KNL1: variants seen among roughly 807,000 people sequenced by gnomAD.
KNL1 encodes the protein kinetochore scaffold 1.
Under a neutral mutation model 201.3 loss-of-function variants are expected in KNL1, and 66 were observed. That is an observed-to-expected ratio of 0.33 (90% CI 0.27 to 0.40). The LOEUF (loss-of-function observed/expected upper bound fraction) is 0.40, where lower values mean the gene tolerates loss of function less well. Ranked by LOEUF, KNL1 falls within the 10% of genes least tolerant of loss-of-function variation. KNL1 has a pLI of 1.00. For missense variants in KNL1, 2,815 were observed against 2,690.5 expected, an observed-to-expected ratio of 1.05 and a Z score of -1.02; for synonymous variants, 895 against 899.2, an observed-to-expected ratio of 1.00 and a Z score of 0.08.
chr15:40,660,002 C>T (rs1032656265), intron 25 of KNL1, among the ~76,000 whole-genome samples: 1 of 151,514 alleles, frequency 6.6e-6, no homozygotes, highest in African/African-American at 2.4e-5. Context: ...CCTCTGCCTC[C>T]TGGGTTCAAG....
chr15:40,652,211 G>C, intron 21 of KNL1, 106 bp downstream of exon 21: 2 of 580,654 alleles, frequency 3.4e-6, no homozygotes, highest in Non-Finnish European at 6.0e-6. Flanking sequence ...GGCATGATGA[G>C]AGCACTGCTG....
At chr15:40,631,446 T>C (rs752371609) in intron 13 of KNL1, among the ~76,000 whole-genome samples, 7 of 152,146 alleles carry the variant, frequency 4.6e-5, no homozygotes, top group Non-Finnish European at 7.3e-5. Flanking sequence ...ATATCTTTGT[T>C]GTCGTGGAGT....
At chr15:40,658,117 T>C (rs1469388463) in intron 24 of KNL1, among the ~76,000 whole-genome samples, 2 of 150,162 alleles carry the variant, frequency 1.3e-5, no homozygotes, top group Non-Finnish European at 3.0e-5. Flanking sequence ...AATACAAAAA[T>C]TAGACAGGCA....
intron 17 of KNL1, chr15:40,650,027 G>T (rs934405129): frequency 3.8e-6 from 1 of 261,874 alleles, no homozygotes; most frequent in Non-Finnish European, 7.2e-6. Flanking sequence ...CAGAGTAAGT[G>T]CCTAGTACAT....
intron 11 of KNL1, 113 bp from the exon 12 acceptor site, chr15:40,628,498 C>T (rs1892813969): frequency 1.3e-6 from 1 of 776,596 alleles, no homozygotes; most frequent in African/African-American, 1.7e-5. Flanking sequence ...ACTGTCTTCC[C>T]AGAAAGATCC....
Position 40,623,433 on chromosome 15 carries a change from C to G in KNL1, c.3169C>G (p.Pro1057Ala), listed in dbSNP as rs944527010. ...DVQSPGFLNE[P>A]LSSKSQRRKS... ...ACAAAGTCCTGGATTTCTGAATGAA[C>G]CTCTATCAAGCAAAAGTCAGAGAAG... The change falls in exon 10 of 26, where the codon CCT becomes GCT. Residue 1057 changes from proline to alanine, a missense_variant. Physicochemically the swap from Pro to Ala is conservative, Grantham distance 27. This residue lies in a region of KNL1 where 2,464 missense variants were observed against 2,291.7 expected (regional missense o/e 1.08). Coordinates refer to ENST00000399668, the MANE Select transcript of KNL1 (RefSeq NM_144508.5). 2 of 1,612,840 alleles carry G rather than the reference C, an allele frequency of 1.2e-6. No individual in the cohort carries two copies. The highest frequency in any genetic ancestry group is 1.3e-5 in the African/African-American group (1 of 74,732).
At chr15:40,615,402 C>A in intron 8 of KNL1, 24 bp downstream of exon 8, 1 of 646,158 alleles carries the variant, frequency 1.5e-6, no homozygotes, top group South Asian at 1.7e-5. Context: ...GAATACTTTT[C>A]TTATAGTAAG....
intron 6 of KNL1, chr15:40,610,879 A>G (rs1892133259): frequency 2.2e-6 from 1 of 453,666 alleles, no homozygotes; most frequent in African/African-American, 2.0e-5. Context: ...CCTCCCAGGT[A>G]GCCGGGATTA....
At position 40,662,270 on chromosome 15, in the gene KNL1, T is replaced by A; in HGVS notation, c.*82T>A. 1.3e-6 allele frequency: 1 copy of A among 770,322 alleles called. No homozygotes were observed. The highest frequency in any genetic ancestry group is 2.3e-6 in the Non-Finnish European group (1 of 441,378). 47.7% of individuals were successfully genotyped at this position (770,322 alleles called of 1,614,324 possible). A position where few individuals can be genotyped will look rare whatever the true frequency, so the allele number is the denominator to read the frequency against. On this transcript the variant is annotated 3_prime_UTR_variant, in exon 26 of 26. Coordinates refer to ENST00000399668, the MANE Select transcript of KNL1 (RefSeq NM_144508.5). ...TCCCATTGCTGTTCAGCCTTTGTTT[T>A]TACGTCATTACAAGCTGAGTAAAAT...
chr15:40,627,323 G>C (rs558991560), intron 10 of KNL1, among the ~76,000 whole-genome samples: 1 of 152,172 alleles, frequency 6.6e-6, no homozygotes, highest in Non-Finnish European at 1.5e-5. Context: ...GACCATCCTG[G>C]CTAACACGGT....
chr15:40,621,244 T>C lies in KNL1; in HGVS notation c.980T>C (p.Leu327Ser). The change falls in exon 10 of 26, where the codon TTG becomes TCG. Residue 327 changes from leucine to serine, a missense_variant. Leu to Ser is a moderately radical substitution (Grantham distance 145, BLOSUM62 -2). Around this residue, in one of 3 missense-constraint regions of KNL1, gnomAD observed 2,464 missense variants for 2,291.7 expected, o/e 1.08. Transcript: ENST00000399668. Reference sequence around the variant, plus strand: ...ATGGACTTGACATTTAACCACACTTTGCAGATCTTACCTGCAACAGGTAAT... The same window carrying C: ...ATGGACTTGACATTTAACCACACTTCGCAGATCTTACCTGCAACAGGTAAT... ...DFMDLTFNHT[L>S]QILPATGNFS... The C allele has an allele frequency of 6.2e-7, 1 of 1,613,750 alleles. No individual in the cohort carries two copies. The highest frequency in any genetic ancestry group is 1.1e-5 in the South Asian group (1 of 91,030).
chr15:40,637,266 TAG>T (rs967178969), intron 13 of KNL1, among the ~76,000 whole-genome samples: 1 of 151,662 alleles, frequency 6.6e-6, no homozygotes, highest in Non-Finnish European at 1.5e-5. Context: ...GGTTTTTCTG[TAG>T]AGTTTACCAC....
In KNL1 at chr15:40,622,464, G is replaced by C. The variant is rs1892572752; in HGVS notation, c.2200G>C (p.Glu734Gln). The change falls in exon 10 of 26, where the codon GAG becomes CAG. Residue 734 changes from glutamate to glutamine, a missense_variant. Coordinates refer to ENST00000399668, the MANE Select transcript of KNL1 (RefSeq NM_144508.5). ...ACTAGGCCAGAATTCTAAACTGGCT[G>C]AGCCACTGAGGAAAAGTTTAAGCAA... ...SVLGQNSKLA[E>Q]PLRKSLSNPT... is the part of the protein sequence containing the mutation. 1 of 1,613,968 alleles carries C rather than the reference G, an allele frequency of 6.2e-7. No individual in the cohort carries two copies. The highest frequency in any genetic ancestry group is 8.5e-7 in the Non-Finnish European group (1 of 1,179,914).
intron 21 of KNL1, 68 bp from the exon 22 acceptor site, chr15:40,654,841 C>A: frequency 8.3e-7 from 1 of 1,203,928 alleles, no homozygotes; most frequent in Non-Finnish European, 1.2e-6. Context: ...TGCACTCCAG[C>A]CTGGGAGACA....
intron 22 of KNL1, among the ~76,000 whole-genome samples, chr15:40,655,248 A>G (rs1348214217): frequency 1.3e-5 from 2 of 151,802 alleles, no homozygotes; most frequent in East Asian, 3.9e-4. Flanking sequence ...TGGTGAGCCA[A>G]GATTATGCCA....
In KNL1 at chr15:40,624,488, A is replaced by G. The variant is rs1347554549; in HGVS notation, c.4224A>G (p.Gln1408=). 2 of 1,613,708 alleles carry G rather than the reference A, an allele frequency of 1.2e-6. No homozygotes were observed. Among genetic ancestry groups the G allele is most frequent in the Non-Finnish European group, 1.7e-6 (2 of 1,179,870 alleles). ...CTAATCAAACTTTAGTATATAGTCAAGATCTGGGGGAGATGACTAAACTTA... is the reference window on the plus strand; with the variant it reads ...CTAATCAAACTTTAGTATATAGTCAGGATCTGGGGGAGATGACTAAACTTA... ...LLANQTLVYS[Q]DLGEMTKLNS... The change falls in exon 10 of 26, where the codon CAA becomes CAG. Residue 1408 remains glutamine, a synonymous_variant. Coordinates refer to ENST00000399668, the MANE Select transcript of KNL1 (RefSeq NM_144508.5).
rs1257419474 is a variant in KNL1, at chr15:40,622,888, C to G, written c.2624C>G (p.Thr875Ser). 1.2e-6 allele frequency: 2 copies of G among 1,611,954 alleles called. No homozygotes were observed. Among genetic ancestry groups the G allele is most frequent in the Non-Finnish European group, 1.7e-6 (2 of 1,178,512 alleles). The change falls in exon 10 of 26, where the codon ACT becomes AGT. Residue 875 changes from threonine (T) to serine (S), a missense_variant. Coordinates refer to ENST00000399668, the MANE Select transcript of KNL1 (RefSeq NM_144508.5). ...GACGATAAGAATGATATGGATATCA[C>G]TAAGAGTTATACAATAGAAATAAAC... Reference protein sequence around the residue: ...SEDDKNDMDITKSYTIEINHR... With the variant: ...SEDDKNDMDISKSYTIEINHR...
intron 14 of KNL1, among the ~76,000 whole-genome samples, chr15:40,643,856 C>T (rs919228316): frequency 6.6e-6 from 1 of 152,032 alleles, no homozygotes; most frequent in African/African-American, 2.4e-5. Context: ...GAATGAATTC[C>T]CCTCTTATTA....
At chr15:40,662,025 C>T (rs754479380) in intron 25 of KNL1, 49 bp from the exon 26 acceptor site, 6 of 1,062,398 alleles carry the variant, frequency 5.6e-6, no homozygotes, top group African/African-American at 4.7e-5. Flanking sequence ...GGCGACAGAG[C>T]GAGACTCCGT....
Sources: gnomAD v4.1 joint callset for allele counts (sites outside exome capture counted in the v4.1 genomes callset) on GRCh38, gnomAD v4.1.1 for gene constraint, gnomAD v4.1.1 regional missense constraint, MANE v1.5 for transcripts, NCBI Gene and HGNC (gene_info 2026-07-23, HGNC 2026-07-21) for gene names.